Variants in IQSEC2 observed in about 807,000 individuals in gnomAD.
IQSEC2 encodes IQ motif and Sec7 domain ArfGEF 2.
Under a neutral mutation model 74.6 loss-of-function variants are expected in IQSEC2, and 6 were observed. That is an observed-to-expected ratio of 0.08 (90% CI 0.04 to 0.16). The LOEUF is 0.16. Among genes scored for constraint, IQSEC2 ranks in the 10% least tolerant of loss-of-function variants. The probability of loss-of-function intolerance (pLI) is 1.00; values close to 1 mark genes in which losing one functional copy is unlikely to be tolerated. For missense variants in IQSEC2, 734 were observed against 1,306.2 expected (o/e 0.56, Z 6.75); for synonymous variants, 494 against 544.5 (o/e 0.91, Z 1.29).
chrX:53,302,252 G>C (rs1377592639), intron 1 of IQSEC2, among the ~76,000 whole-genome samples: 2 of 112,055 alleles, frequency 1.8e-5, no homozygotes, highest in Admixed American at 9.5e-5. Context: ...TTTCCCCATA[G>C]CACTTACCAC....
Position 53,235,877 on chromosome X carries a change from C to T in IQSEC2, c.3452-45G>A, listed in dbSNP as rs782440035. On this transcript the variant is annotated intron_variant, in intron 13 of 14. Transcript: ENST00000642864. ...GCCCAGCGTCAGAGCAGCAACCCCC[C>T]CCCTACCCTGCTGGGCTCCAGAGCT... 4.4e-6 allele frequency: 5 copies of T among 1,129,870 alleles called. No individual in the cohort carries two copies. In the African/African-American group the frequency reaches 5.4e-5, roughly 12 times the overall value. 93.1% of individuals were successfully genotyped at this position (1,129,870 alleles called of 1,213,427 possible).
At chrX:53,235,205 A>T in intron 14 of IQSEC2, 21 bp from the exon 15 acceptor site, 17 of 1,162,576 alleles carry the variant, frequency 1.5e-5, no homozygotes, top group African/African-American at 1.8e-5. Context: ...GGAGGGGGGA[A>T]GTCAGGCCAG....
chrX:53,301,441 G>T (rs781952370), intron 1 of IQSEC2, among the ~76,000 whole-genome samples: 2 of 112,357 alleles, frequency 1.8e-5, no homozygotes, highest in South Asian at 3.7e-4. Context: ...CAGGCAAAAG[G>T]TCTGTAATGC....
At chrX:53,287,584 A>G (rs1556872073) in intron 2 of IQSEC2, among the ~76,000 whole-genome samples, 1 of 113,080 alleles carries the variant, frequency 8.8e-6, no homozygotes, top group African/African-American at 3.2e-5. Context: ...GCATAAACAC[A>G]GAGGTGCTGC....
rs782010142 is a variant in IQSEC2, at chrX:53,255,985, T to A, written c.814A>T (p.Ser272Cys). ...SPGSQPPYRL[S>C]QLPPSSSHMG... Reference sequence around the variant, plus strand: ...TGGCTGCTGGAGGGGGGCAGCTGGCTCAGCCGGTAGGGGGGTTGGCTCCCA... The same window carrying A: ...TGGCTGCTGGAGGGGGGCAGCTGGCACAGCCGGTAGGGGGGTTGGCTCCCA... Residue 272 changes from serine (S) to cysteine (C), a missense_variant, in exon 3 of 15, where the codon AGC becomes TGC. Around this residue, in one of 12 missense-constraint regions of IQSEC2, gnomAD observed 54 missense variants for 62.1 expected, o/e 0.87. Transcript: ENST00000642864. 1 of 1,189,516 alleles carries A rather than the reference T, an allele frequency of 8.4e-7. No individual in the cohort carries two copies. The highest frequency in any genetic ancestry group is 3.0e-5 in the East Asian group (1 of 32,944).
At chrX:53,228,793 T>C (rs2074052785), downstream of IQSEC2, 1 of 112,328 alleles carries the variant, frequency 8.9e-6, no homozygotes, top group Admixed American at 9.4e-5. Context: ...CTCCTCAAGG[T>C]ATCTGTGTGA....
intron 11 of IQSEC2, 37 bp downstream of exon 11, chrX:53,239,158 T>C (rs377273643): frequency 5.8e-6 from 6 of 1,030,274 alleles, no homozygotes; most frequent in Non-Finnish European, 6.8e-6. Flanking sequence ...GGCCATGACA[T>C]AGACTCTCAG....
intron 5 of IQSEC2, among the ~76,000 whole-genome samples, chrX:53,249,544 C>T (rs1286013079): frequency 1.8e-5 from 2 of 112,186 alleles, no homozygotes; most frequent in Non-Finnish European, 3.8e-5. Context: ...GGTTCCTTAT[C>T]TACAAAATAG....
chrX:53,296,639 C>T (rs782626717), intron 1 of IQSEC2, among the ~76,000 whole-genome samples: 1 of 111,080 alleles, frequency 9.0e-6, no homozygotes, highest in Non-Finnish European at 1.9e-5. Flanking sequence ...TGGCTCACTG[C>T]GACCTCTGCC....
chrX:53,294,976 C>T (rs782711876), intron 1 of IQSEC2, among the ~76,000 whole-genome samples: 5 of 111,472 alleles, frequency 4.5e-5, no homozygotes, highest in Admixed American at 3.8e-4. Flanking sequence ...GTGCCCACCA[C>T]TGTGCCTGGC....
In IQSEC2 at chrX:53,309,365, T is replaced by C. The variant is rs986161207; in HGVS notation, c.707+11052A>G. ...TACTACATGAGTCCTTATGTACTAC[T>C]TTGCCTTTTGAAAATTGTGCATGTG... On this transcript the variant is annotated intron_variant, in intron 1 of 14. Transcript: ENST00000642864. 3.6e-5 allele frequency among the ~76,000 whole-genome samples: 4 copies of C among 112,205 alleles called. No homozygotes were observed. In the Admixed American group the frequency reaches 3.8e-4, roughly 11 times the overall value.
rs1569341759 is a variant in IQSEC2 at position 53,320,634 on chromosome X, G to A, written c.490C>T (p.Pro164Ser). 8.6e-7 allele frequency: 1 copy of A among 1,162,500 alleles called. No individual in the cohort carries two copies. The highest frequency in any genetic ancestry group is 1.1e-6 in the Non-Finnish European group (1 of 870,699). Residue 164 changes from proline to serine, a missense_variant, in exon 1 of 15, where the codon CCA (proline) becomes TCA (serine). By Grantham distance (74) the Pro-to-Ser change is moderately conservative. This residue lies in a region of IQSEC2 where 134 missense variants were observed against 214.9 expected (regional missense o/e 0.62). Transcript: ENST00000642864. ...CCGCCACGCTCGCGACCCAGGGCTGGGTTCTCGTGGTGCAGGTGGCACTGG... is the reference window on the plus strand; with the variant it reads ...CCGCCACGCTCGCGACCCAGGGCTGAGTTCTCGTGGTGCAGGTGGCACTGG... ...VAQCHLHHEN[P>S]ALGRERGGRE...
chrX:53,273,875 T>C (rs921538501), intron 2 of IQSEC2, among the ~76,000 whole-genome samples: 2 of 112,502 alleles, frequency 1.8e-5, no homozygotes, highest in African/African-American at 3.2e-5. Context: ...AATTTTTCAG[T>C]ATCACAAGCA....
intron 2 of IQSEC2, among the ~76,000 whole-genome samples, chrX:53,273,536 G>C (rs2074775293): frequency 1.8e-5 from 2 of 112,080 alleles, no homozygotes; most frequent in South Asian, 7.4e-4. Flanking sequence ...TGGATACAGG[G>C]ACAAGGTATA....
chrX:53,316,223 C>A (rs1044614612), intron 1 of IQSEC2, among the ~76,000 whole-genome samples: 2 of 111,989 alleles, frequency 1.8e-5, no homozygotes, highest in Non-Finnish European at 3.8e-5. Context: ...ATAACAACCC[C>A]ATTCTTGCCC....
intron 1 of IQSEC2, among the ~76,000 whole-genome samples, chrX:53,303,001 G>T (rs999693246): frequency 9.0e-6 from 1 of 111,389 alleles, no homozygotes; most frequent in African/African-American, 3.3e-5. Context: ...CCAAGAGTTT[G>T]AGACAAGCCT....
intron 2 of IQSEC2, chrX:53,279,467 A>G: frequency 1.9e-6 from 1 of 517,319 alleles, no homozygotes; most frequent in Middle Eastern, 3.3e-4. Flanking sequence ...TTCCACAGGC[A>G]CAGCAGGGGC....
At chrX:53,320,325 G>A (rs1709077376) in intron 1 of IQSEC2, 92 bp downstream of exon 1, 5 of 853,843 alleles carry the variant, frequency 5.9e-6, no homozygotes, top group Non-Finnish European at 8.3e-6. Context: ...AGGAAGACAC[G>A]GAACCAGACA....
At position 53,295,010 on chromosome X, in the gene IQSEC2, A is replaced by G. The variant is rs1207236948; in HGVS notation, c.708-3086T>C. 4.5e-5 allele frequency among the ~76,000 whole-genome samples: 5 copies of G among 110,815 alleles called. No homozygotes were observed. The East Asian group carries it at 1.4e-3, about 32-fold the overall frequency. On this transcript the variant is annotated intron_variant, in intron 1 of 14. Transcript: ENST00000642864. ...GCTAATTTTTGTGTTTTTAATAGAG[A>G]CAGGGTTTCGCCATGTTGGCCAGGC...
Sources: allele counts gnomAD v4.1 joint callset (sites outside exome capture counted in the v4.1 genomes callset), GRCh38; gene constraint gnomAD v4.1.1; regional missense constraint gnomAD v4.1.1; transcripts MANE v1.5; gene names NCBI Gene and HGNC (gene_info 2026-07-23, HGNC 2026-07-21).